CFAP61: variants seen among roughly 807,000 people sequenced by gnomAD.
CFAP61 encodes cilia- and flagella-associated protein 61.
A neutral mutation model predicts 135.6 loss-of-function variants in CFAP61; 107 were observed. The observed-to-expected ratio is 0.79, with a 90% CI of 0.67 to 0.93. The LOEUF (loss-of-function observed/expected upper bound fraction) is 0.93. Among genes scored for constraint, CFAP61 ranks in the 40% least tolerant of loss-of-function variants. The pLI is 0.00. For missense variants in CFAP61, 1,507 were observed against 1,556.2 expected (o/e 0.97, Z 0.53); for synonymous variants, 575 against 578.5 (o/e 0.99, Z 0.09).
At chr20:20,197,380 C>A (rs537108967) in intron 16 of CFAP61, among the ~76,000 whole-genome samples, 19 of 152,140 alleles carry the variant, frequency 1.2e-4, no homozygotes, top group Non-Finnish European at 2.5e-4. Flanking sequence ...GATAGCAAGT[C>A]CTCCATCTTA....
At chr20:20,197,660 A>G (rs1239727063) in intron 16 of CFAP61, among the ~76,000 whole-genome samples, 1 of 152,082 alleles carries the variant, frequency 6.6e-6, no homozygotes, top group Non-Finnish European at 1.5e-5. Context: ...ACACACTCAT[A>G]TAAGGTGTCT....
chr20:20,241,849 G>A (rs187513597), intron 18 of CFAP61, among the ~76,000 whole-genome samples: 67 of 152,184 alleles, frequency 4.4e-4, no homozygotes, highest in Admixed American at 2.5e-3. Flanking sequence ...AGTAATCAGT[G>A]TGTACTTGCA....
intron 22 of CFAP61, among the ~76,000 whole-genome samples, chr20:20,285,127 C>T (rs369433737): frequency 2.8e-4 from 43 of 152,282 alleles, no homozygotes; most frequent in African/African-American, 9.4e-4. Flanking sequence ...TTCCAACATC[C>T]ATGCATTTTT....
intron 8 of CFAP61, among the ~76,000 whole-genome samples, chr20:20,112,729 A>G (rs1241971826): frequency 6.6e-6 from 1 of 152,198 alleles, no homozygotes; most frequent in Non-Finnish European, 1.5e-5. Flanking sequence ...GAATGTTTTC[A>G]GTTTAAAATA....
intron 19 of CFAP61, among the ~76,000 whole-genome samples, 156 bp downstream of exon 19, chr20:20,246,371 G>A (rs999862326): frequency 1.3e-5 from 2 of 152,350 alleles, no homozygotes; most frequent in African/African-American, 2.4e-5. Context: ...ACAAGTACCA[G>A]TGTGTTCACA....
chr20:20,235,674 T>C (rs529279958), intron 18 of CFAP61, among the ~76,000 whole-genome samples: 2 of 152,160 alleles, frequency 1.3e-5, no homozygotes, highest in Non-Finnish European at 2.9e-5. Context: ...AGGGCCATAA[T>C]TCTTTTATCT....
At chr20:20,236,696 A>G (rs1009772474) in intron 18 of CFAP61, among the ~76,000 whole-genome samples, 2 of 152,230 alleles carry the variant, frequency 1.3e-5, no homozygotes, top group Admixed American at 1.3e-4. Context: ...AAGCCTTGCT[A>G]ATAGCCAGCA....
At chr20:20,192,124 C>T (rs1021912981) in intron 15 of CFAP61, among the ~76,000 whole-genome samples, 3 of 151,948 alleles carry the variant, frequency 2.0e-5, no homozygotes, top group East Asian at 1.9e-4. Flanking sequence ...ATTGTACCTA[C>T]GTGGATTCTA....
intron 20 of CFAP61, chr20:20,253,603 G>C (rs2051190949): frequency 2.0e-6 from 1 of 489,860 alleles, no homozygotes; most frequent in African/African-American, 2.0e-5. Flanking sequence ...CTCTTTTTGG[G>C]CCACTGACCC....
At chr20:20,122,562 C>T (rs957971672) in intron 8 of CFAP61, among the ~76,000 whole-genome samples, 3 of 152,234 alleles carry the variant, frequency 2.0e-5, no homozygotes, top group Non-Finnish European at 2.9e-5. Flanking sequence ...GAATAATAGT[C>T]TCTAATCTCA....
chr20:20,117,250 A>G (rs990263599), intron 8 of CFAP61, among the ~76,000 whole-genome samples: 3 of 152,176 alleles, frequency 2.0e-5, no homozygotes, highest in Admixed American at 6.5e-5. Flanking sequence ...AGGCTGAGGC[A>G]GGACAATCAC....
chr20:20,213,332 G>A (rs1036497212), intron 17 of CFAP61, among the ~76,000 whole-genome samples: 1 of 152,138 alleles, frequency 6.6e-6, no homozygotes, highest in African/African-American at 2.4e-5. Flanking sequence ...ACCTTGTCCA[G>A]CTTGTGAAAG....
At chr20:20,133,110 T>G (rs764349993) in intron 8 of CFAP61, among the ~76,000 whole-genome samples, 8 of 152,234 alleles carry the variant, frequency 5.3e-5, no homozygotes, top group Non-Finnish European at 1.2e-4. Context: ...CAGTGATATG[T>G]TAATTTAATT....
chr20:20,302,849 A>G (rs1024473349), intron 25 of CFAP61, among the ~76,000 whole-genome samples: 2 of 152,144 alleles, frequency 1.3e-5, no homozygotes, highest in African/African-American at 4.8e-5. Flanking sequence ...CTTACCATGA[A>G]TGGATTTTTA....
intron 8 of CFAP61, among the ~76,000 whole-genome samples, chr20:20,119,921 G>A (rs886464396): frequency 1.3e-5 from 2 of 152,094 alleles, no homozygotes; most frequent in African/African-American, 4.8e-5. Context: ...TGTTTGTTTG[G>A]TAAGGATAAC....
intron 25 of CFAP61, among the ~76,000 whole-genome samples, chr20:20,340,602 C>T (rs546483697): frequency 3.9e-4 from 59 of 152,148 alleles, no homozygotes; most frequent in African/African-American, 1.3e-3. Flanking sequence ...GAGCATGGCC[C>T]GAGAGCACCT....
chr20:20,175,169 A>G (rs1345085917), intron 13 of CFAP61, among the ~76,000 whole-genome samples: 25 of 152,198 alleles, frequency 1.6e-4, no homozygotes, highest in Non-Finnish European at 8.8e-5. Context: ...CCCTTAAAGA[A>G]GGCCATCAGG....
intron 22 of CFAP61, among the ~76,000 whole-genome samples, chr20:20,288,083 A>G (rs1226939115): frequency 1.3e-5 from 2 of 151,916 alleles, no homozygotes; most frequent in Non-Finnish European, 2.9e-5. Flanking sequence ...GTAGATACAG[A>G]GACTGATGAA....
At chr20:20,054,191 G>A (rs960478052) in intron 1 of CFAP61, among the ~76,000 whole-genome samples, 1 of 151,450 alleles carries the variant, frequency 6.6e-6, no homozygotes, top group African/African-American at 2.4e-5. Flanking sequence ...CTTTCTACAA[G>A]ATTCTTTGAA....
Sources: gnomAD v4.1 joint callset for allele counts (sites outside exome capture counted in the v4.1 genomes callset) on GRCh38, gnomAD v4.1.1 for gene constraint, MANE v1.5 for transcripts, NCBI Gene and HGNC (gene_info 2026-07-23, HGNC 2026-07-21) for gene names.